Variants in EPHB1 observed in about 807,000 individuals in gnomAD.
EPHB1 encodes EPH receptor B1.
A neutral mutation model predicts 94.4 loss-of-function variants in EPHB1; 30 were observed. The ratio of observed to expected loss-of-function variants is 0.32; its 90% confidence interval spans 0.24 to 0.43. The LOEUF (loss-of-function observed/expected upper bound fraction) is 0.43, where lower values mean the gene tolerates loss of function less well. Ranked by LOEUF, EPHB1 falls within the 20% of genes least tolerant of loss-of-function variation. The pLI is 1.00. For missense variants in EPHB1, 1,055 were observed against 1,308.3 expected (o/e 0.81, Z 2.99); for synonymous variants, 522 against 489.1 (o/e 1.07, Z -0.89).
At chr3:134,980,838 A>T (rs1325190481) in intron 3 of EPHB1, among the ~76,000 whole-genome samples, 1 of 152,188 alleles carries the variant, frequency 6.6e-6, no homozygotes, top group Admixed American at 6.5e-5. Context: ...GCTGCTCGTA[A>T]GTCATAACAT....
At chr3:135,116,545 T>C (rs921791413) in intron 4 of EPHB1, among the ~76,000 whole-genome samples, 1 of 152,212 alleles carries the variant, frequency 6.6e-6, no homozygotes, top group African/African-American at 2.4e-5. Flanking sequence ...CTAGACCTCT[T>C]GCCAGTGCCT....
intron 3 of EPHB1, among the ~76,000 whole-genome samples, chr3:135,100,214 G>A (rs1041697849): frequency 5.9e-5 from 9 of 152,114 alleles, no homozygotes; most frequent in East Asian, 5.8e-4. Flanking sequence ...TAGACCATGC[G>A]CTGAGAATAG....
At chr3:135,082,065 G>T (rs1938184056) in intron 3 of EPHB1, among the ~76,000 whole-genome samples, 1 of 151,970 alleles carries the variant, frequency 6.6e-6, no homozygotes, top group African/African-American at 2.4e-5. Flanking sequence ...GGCAGGGTAG[G>T]CAGGACTCAG....
At chr3:135,101,296 C>T (rs953451044) in intron 3 of EPHB1, among the ~76,000 whole-genome samples, 1 of 152,148 alleles carries the variant, frequency 6.6e-6, no homozygotes, top group Non-Finnish European at 1.5e-5. Flanking sequence ...TTTCTTCTCC[C>T]TTTGTCTTTT....
intron 3 of EPHB1, among the ~76,000 whole-genome samples, chr3:135,036,409 A>G (rs1002520110): frequency 5.9e-5 from 9 of 152,210 alleles, no homozygotes; most frequent in African/African-American, 2.2e-4. Flanking sequence ...GCAGGCCTGC[A>G]TGGCCTGTGA....
chr3:135,059,645 T>C (rs1177974206), intron 3 of EPHB1, among the ~76,000 whole-genome samples: 1 of 152,164 alleles, frequency 6.6e-6, no homozygotes, highest in Non-Finnish European at 1.5e-5. Flanking sequence ...GTTTCAGGTG[T>C]GGTGGATATT....
At chr3:135,131,538 T>C (rs945969276) in intron 4 of EPHB1, among the ~76,000 whole-genome samples, 28 of 152,142 alleles carry the variant, frequency 1.8e-4, no homozygotes, top group Admixed American at 1.8e-3. Context: ...AGGATTCATT[T>C]TTATCAGTTA....
chr3:134,797,131 C>G (rs1055125120), intron 1 of EPHB1, among the ~76,000 whole-genome samples: 1 of 152,228 alleles, frequency 6.6e-6, no homozygotes, highest in Non-Finnish European at 1.5e-5. Context: ...CTCTCGCTTG[C>G]TTTTCCGAAG....
chr3:134,882,752 TTCTTCCTTCCTTC>T lies in EPHB1; in HGVS notation c.59-43063_59-43051del, dbSNP rs2037764220. Among the ~76,000 whole-genome samples the T allele has an allele frequency of 1.1e-3, 72 of 65,614 alleles. 1 individual carries two copies. Among genetic ancestry groups the T allele is most frequent in the African/African-American group, 3.8e-3 (54 of 14,048 alleles). 43.0% of individuals were successfully genotyped at this position (65,614 alleles called of 152,430 possible). On this transcript the variant is annotated intron_variant, in intron 1 of 15. Transcript: ENST00000398015. ...TTTCCTTCTTTCCTTCTTTCTTCCT[TTCTTCCTTCCTTC>T]CTTTCTTTCTTTCTTTCTTTCTTTC...
At chr3:135,164,695 G>A (rs1401426933) in intron 7 of EPHB1, among the ~76,000 whole-genome samples, 1 of 151,376 alleles carries the variant, frequency 6.6e-6, no homozygotes, top group African/African-American at 2.4e-5. Context: ...TGTAATCCCA[G>A]CTACTCGGGA....
At chr3:135,139,635 GA>G (rs1469541177) in intron 5 of EPHB1, among the ~76,000 whole-genome samples, 9 of 152,186 alleles carry the variant, frequency 5.9e-5, no homozygotes, top group African/African-American at 2.2e-4. Context: ...CAGAGGCCCA[GA>G]AAAGTCACAA....
At chr3:135,201,346 G>A in intron 11 of EPHB1, 128 bp from the exon 12 acceptor site, 1 of 847,180 alleles carries the variant, frequency 1.2e-6, no homozygotes, top group Admixed American at 1.9e-5. Flanking sequence ...TGGGAAGAGA[G>A]GAGGACACAG....
intron 5 of EPHB1, among the ~76,000 whole-genome samples, chr3:135,138,798 C>T (rs1940712384): frequency 6.6e-6 from 1 of 152,208 alleles, no homozygotes; most frequent in Admixed American, 6.5e-5. Context: ...TTGCTTTCTT[C>T]TCATTGTTAA....
intron 1 of EPHB1, among the ~76,000 whole-genome samples, chr3:134,830,432 T>A (rs1358740031): frequency 6.6e-6 from 1 of 152,232 alleles, no homozygotes; most frequent in Non-Finnish European, 1.5e-5. Context: ...TTTAAAATAT[T>A]TTCAATTAAA....
At chr3:134,936,704 A>G (rs994690790) in intron 2 of EPHB1, among the ~76,000 whole-genome samples, 2 of 152,252 alleles carry the variant, frequency 1.3e-5, no homozygotes, top group Non-Finnish European at 2.9e-5. Flanking sequence ...AGGCATGTCC[A>G]ATACATTTCC....
Position 134,809,893 on chromosome 3 carries a change from G to A in EPHB1, c.58+14204G>A, listed in dbSNP as rs73861953. ...AGAGTCCTGTCTTTGGACAGGCAGC[G>A]AATTAGGTCCATTTAATGGATGTGG... On this transcript the variant is annotated intron_variant, in intron 1 of 15. Coordinates refer to ENST00000398015, the MANE Select transcript of EPHB1 (RefSeq NM_004441.5). Among the ~76,000 whole-genome samples, 568 of 152,286 alleles carry A rather than the reference G, an allele frequency of 3.7e-3. 1 individual carries two copies. The highest frequency in any genetic ancestry group is 0.013 in the African/African-American group (546 of 41,548).
intron 11 of EPHB1, among the ~76,000 whole-genome samples, chr3:135,193,482 T>C (rs1942514180): frequency 6.6e-6 from 1 of 152,150 alleles, no homozygotes; most frequent in Non-Finnish European, 1.5e-5. Flanking sequence ...TTCATTTCTG[T>C]AGGGTATCAC....
At chr3:135,108,102 GA>G (rs141519884) in intron 4 of EPHB1, among the ~76,000 whole-genome samples, 155 of 152,256 alleles carry the variant, frequency 1.0e-3, no homozygotes, top group Non-Finnish European at 1.2e-3. Context: ...TATTCCTCCT[GA>G]AAACGCTCCT....
intron 1 of EPHB1, among the ~76,000 whole-genome samples, chr3:134,823,072 C>T (rs193137397): frequency 1.3e-5 from 2 of 152,356 alleles, no homozygotes; most frequent in African/African-American, 4.8e-5. Context: ...TACTCATTCC[C>T]TGCACATTCC....
Sources: gnomAD v4.1 joint callset for allele counts (sites outside exome capture counted in the v4.1 genomes callset) on GRCh38, gnomAD v4.1.1 for gene constraint, MANE v1.5 for transcripts, NCBI Gene and HGNC (gene_info 2026-07-23, HGNC 2026-07-21) for gene names.